The following TSPEAR variants were observed in gnomAD, a reference collection of about 807,000 sequenced individuals.
TSPEAR encodes thrombospondin type laminin G domain and EAR repeats.
A neutral mutation model predicts 71.6 loss-of-function variants in TSPEAR; 69 were observed. That is an observed-to-expected ratio of 0.96 (90% confidence interval 0.79 to 1.18). The LOEUF (loss-of-function observed/expected upper bound fraction) is 1.18, where lower values mean the gene tolerates loss of function less well. Among genes scored for constraint, TSPEAR ranks in the 50% most tolerant of loss-of-function variants. The pLI is 0.00. For missense variants in TSPEAR, 971 were observed against 894.9 expected, an observed-to-expected ratio of 1.09 and a Z score of -1.09; for synonymous variants, 402 against 387.2, an observed-to-expected ratio of 1.04 and a Z score of -0.45.
intron 1 of TSPEAR, chr21:44,579,652 G>A: frequency 7.3e-7 from 1 of 1,372,866 alleles, no homozygotes; most frequent in Non-Finnish European, 9.9e-7. Flanking sequence ...GGTCACCTCA[G>A]CACATGGGGG....
At chr21:44,618,594 A>G (rs1982254169) in intron 1 of TSPEAR, among the ~76,000 whole-genome samples, 1 of 152,092 alleles carries the variant, frequency 6.6e-6, no homozygotes, top group Non-Finnish European at 1.5e-5. Flanking sequence ...CCCATCCCCC[A>G]TCCCCAGCTG....
intron 9 of TSPEAR, chr21:44,516,218 G>C (rs1161286920): frequency 6.6e-6 from 1 of 152,304 alleles, no homozygotes; most frequent in African/African-American, 2.4e-5. Context: ...AGGAATTCCA[G>C]GGCTTTCAGA....
Position 44,612,130 on chromosome 21 carries a change from T to C in TSPEAR, c.83-44125A>G. 14 of 1,614,050 alleles carry C rather than the reference T, an allele frequency of 8.7e-6. No individual in the cohort carries two copies. The highest frequency in any genetic ancestry group is 1.2e-5 in the Non-Finnish European group (14 of 1,179,984). On this transcript the variant is annotated intron_variant, in intron 1 of 11. Transcript: ENST00000323084. This position sits in a 1 kb window ranked among gnomAD's most constrained non-coding sequence, Gnocchi z 4.1. ...CTGACGCCTGCTGCACCAGGACGTA[T>C]GTGATTGCTGCATCCACCATGTCTG...
At position 44,711,002 on chromosome 21, in the gene TSPEAR, C is replaced by A. The variant is rs755838217; in HGVS notation, c.82+431G>T. On this transcript the variant is annotated intron_variant, in intron 1 of 11. Transcript: ENST00000323084. The surrounding 1 kb of genome is among the most constrained non-coding windows in gnomAD (Gnocchi z 4.5). ...AAGGAGCAGGGCCGGTGTGGCCCTT[C>A]GCTTTGCTGAGTGCAGGCTGGGGGC... 3.3e-5 allele frequency among the ~76,000 whole-genome samples: 5 copies of A among 152,208 alleles called. No homozygotes were observed. Among genetic ancestry groups the A allele is most frequent in the Admixed American group, 1.3e-4 (2 of 15,290 alleles).
At chr21:44,604,392 T>C (rs1981179605) in intron 1 of TSPEAR, among the ~76,000 whole-genome samples, 1 of 151,696 alleles carries the variant, frequency 6.6e-6, no homozygotes, top group Non-Finnish European at 1.5e-5. Context: ...GGATAAGATG[T>C]CCAATGGCCA....
chr21:44,682,032 T>G (rs1986624381), intron 1 of TSPEAR: 1 of 1,614,036 alleles, frequency 6.2e-7, no homozygotes, highest in Non-Finnish European at 8.5e-7. Context: ...CACGGAGGAC[T>G]GGCAGCCCAC....
Position 44,667,328 on chromosome 21 carries a change from A to G in TSPEAR, c.82+44105T>C, listed in dbSNP as rs8128898. ...CTCCACAGTCAATGTGAGGTAGAAC[A>G]GGACGTGTCTAGCTGATCTGTGGGT... On this transcript the variant is annotated intron_variant, in intron 1 of 11. Coordinates refer to ENST00000323084, the MANE Select transcript of TSPEAR (RefSeq NM_144991.3). Among the ~76,000 whole-genome samples the G allele has an allele frequency of 7.1e-3, 1,086 of 152,278 alleles. 15 individuals carry two copies. Among genetic ancestry groups the G allele is most frequent in the African/African-American group, 0.025 (1,030 of 41,544 alleles).
At chr21:44,549,485 G>A (rs782171698) in intron 2 of TSPEAR, among the ~76,000 whole-genome samples, 3 of 152,182 alleles carry the variant, frequency 2.0e-5, no homozygotes, top group Non-Finnish European at 2.9e-5. Flanking sequence ...AGAAAACCAT[G>A]AGAAAATAGT....
chr21:44,504,017 A>G (rs1555911525), intron 11 of TSPEAR, among the ~76,000 whole-genome samples: 1 of 144,020 alleles, frequency 6.9e-6, no homozygotes, highest in Non-Finnish European at 1.5e-5. Flanking sequence ...GGCCTCGGTG[A>G]GCCCTCAGCA....
chr21:44,519,136 C>G (rs2052679347), intron 9 of TSPEAR: 1 of 153,570 alleles, frequency 6.5e-6, no homozygotes, highest in African/African-American at 2.4e-5. Flanking sequence ...TCACGCCATT[C>G]TCCTGCCTCA....
Position 44,649,841 on chromosome 21 carries a change from G to A in TSPEAR, c.82+61592C>T, listed in dbSNP as rs61297115. 2.6e-3 allele frequency among the ~76,000 whole-genome samples: 396 copies of A among 152,274 alleles called. 1 individual carries two copies. The highest frequency in any genetic ancestry group is 9.3e-3 in the African/African-American group (386 of 41,546). Reference sequence around the variant, plus strand: ...TTCCCAAGGAACCACGATGAAAGACGCCACAGCCCACTGACGCACAGAGGA... The same window carrying A: ...TTCCCAAGGAACCACGATGAAAGACACCACAGCCCACTGACGCACAGAGGA... On this transcript the variant is annotated intron_variant, in intron 1 of 11. Transcript: ENST00000323084.
chr21:44,593,233 G>A lies in TSPEAR; in HGVS notation c.83-25228C>T, dbSNP rs1301772659. On this transcript the variant is annotated intron_variant, in intron 1 of 11. Transcript: ENST00000323084. The surrounding 1 kb of genome is among the most constrained non-coding windows in gnomAD (Gnocchi z 5.9). ...AGAGTAACCGTGCTGAGCAGCGGGC[G>A]GTCAGCAGCCCTCGTCCCCGCCTGG... is the stretch of plus-strand genomic sequence containing the variant. Among the ~76,000 whole-genome samples, 3 of 152,140 alleles carry A rather than the reference G, an allele frequency of 2.0e-5. No individual in the cohort carries two copies. Among genetic ancestry groups the A allele is most frequent in the Non-Finnish European group, 2.9e-5 (2 of 68,030 alleles).
chr21:44,628,071 A>G, intron 1 of TSPEAR: 1 of 1,596,864 alleles, frequency 6.3e-7, no homozygotes, highest in Non-Finnish European at 8.5e-7. Context: ...CCCCAGGGCC[A>G]GCCGGGCTCA....
At chr21:44,595,492 G>A (rs587609138) in intron 1 of TSPEAR, among the ~76,000 whole-genome samples, 1 of 152,162 alleles carries the variant, frequency 6.6e-6, no homozygotes, top group African/African-American at 2.4e-5. Flanking sequence ...TATCAACACT[G>A]AGCCCCAGCC....
chr21:44,639,361 C>G (rs1477261611), intron 1 of TSPEAR, among the ~76,000 whole-genome samples: 2 of 152,228 alleles, frequency 1.3e-5, no homozygotes, highest in African/African-American at 2.4e-5. Context: ...ATGACCCTTG[C>G]GTGTCAATGA....
At chr21:44,702,534 G>A (rs916869413) in intron 1 of TSPEAR, 18 of 1,607,704 alleles carry the variant, frequency 1.1e-5, no homozygotes, top group Non-Finnish European at 1.5e-5. Context: ...TCTGCTCTGG[G>A]GCTTCCTCCC....
intron 1 of TSPEAR, among the ~76,000 whole-genome samples, chr21:44,633,143 A>C (rs1336534325): frequency 1.3e-5 from 2 of 152,128 alleles, no homozygotes; most frequent in Non-Finnish European, 2.9e-5. Context: ...AAAGGTTTGT[A>C]AATTTTATTG....
In TSPEAR at chr21:44,687,814, G is replaced by T. The variant is rs1986928656; in HGVS notation, c.82+23619C>A. On this transcript the variant is annotated intron_variant, in intron 1 of 11. Transcript: ENST00000323084. The surrounding 1 kb of genome is among the most constrained non-coding windows in gnomAD (Gnocchi z 4.4). ...TCGTCAAATGATACCCTTGAGATTT[G>T]AATCATTTCACATGCAAAACAAATG... Among the ~76,000 whole-genome samples, 1 of 152,180 alleles carries T rather than the reference G, an allele frequency of 6.6e-6. No homozygotes were observed. The highest frequency in any genetic ancestry group is 6.5e-5 in the Admixed American group (1 of 15,284).
chr21:44,696,262 G>A (rs1050606431), intron 1 of TSPEAR, among the ~76,000 whole-genome samples: 10 of 152,098 alleles, frequency 6.6e-5, no homozygotes, highest in South Asian at 2.1e-4. Flanking sequence ...ACCATGCTCC[G>A]CCCCGCTCTT....
Sources: gnomAD v4.1 joint callset for allele counts (sites outside exome capture counted in the v4.1 genomes callset) on GRCh38, gnomAD v4.1.1 for gene constraint, Gnocchi (gnomAD v3.1) non-coding constraint, MANE v1.5 for transcripts, NCBI Gene and HGNC (gene_info 2026-07-23, HGNC 2026-07-21) for gene names.